Variants in NEB observed in about 807,000 individuals in gnomAD.
The protein encoded by NEB is nemaline myopathy type 2.
Under a neutral mutation model 952.2 loss-of-function variants are expected in NEB, and 512 were observed. The ratio of observed to expected loss-of-function variants is 0.54; its 90% confidence interval spans 0.50 to 0.58. The LOEUF is 0.58. Among genes scored for constraint, NEB ranks in the 20% least tolerant of loss-of-function variants. The pLI is 0.00. For synonymous variants in NEB, 2,900 were observed against 3,149.8 expected (o/e 0.92, Z 2.66); for missense variants, 8,428 against 9,231.1 (o/e 0.91, Z 3.56).
chr2:151,636,168 G>C, intron 64 of NEB, 59 bp downstream of exon 64: 1 of 1,386,176 alleles, frequency 7.2e-7, no homozygotes, highest in Non-Finnish European at 1.0e-6. Flanking sequence ...CTAAGATTTA[G>C]TTCAGTGAAA....
intron 63 of NEB, among the ~76,000 whole-genome samples, chr2:151,637,698 A>AG (rs1449655005): frequency 6.6e-6 from 1 of 152,144 alleles, no homozygotes; most frequent in Non-Finnish European, 1.5e-5. Flanking sequence ...AGCTAGACAC[A>AG]GGGGGAGCCC....
At chr2:151,698,472 G>A (rs1320591257) in intron 13 of NEB, among the ~76,000 whole-genome samples, 1 of 152,084 alleles carries the variant, frequency 6.6e-6, no homozygotes, top group Non-Finnish European at 1.5e-5. Context: ...TCTGGAATGA[G>A]ATGGTATTAT....
At chr2:151,506,621 C>A (rs1227459643) in intron 163 of NEB, among the ~76,000 whole-genome samples, 1 of 152,112 alleles carries the variant, frequency 6.6e-6, no homozygotes, top group Non-Finnish European at 1.5e-5. Flanking sequence ...AAAGAAATCA[C>A]AATGTCAAAA....
At chr2:151,652,094 T>C (rs2099036734) in intron 52 of NEB, among the ~76,000 whole-genome samples, 1 of 152,190 alleles carries the variant, frequency 6.6e-6, no homozygotes, top group African/African-American at 2.4e-5. Flanking sequence ...TAGGCTGCTT[T>C]GTGGTGTTGT....
chr2:151,725,074 A>G, intron 6 of NEB, 113 bp from the exon 7 acceptor site: 1 of 766,636 alleles, frequency 1.3e-6, no homozygotes, highest in Non-Finnish European at 2.1e-6. Context: ...CTGCATCACA[A>G]AGCATAGTTT....
intron 168 of NEB, among the ~76,000 whole-genome samples, chr2:151,500,939 C>A (rs2064001046): frequency 6.6e-6 from 1 of 152,096 alleles, no homozygotes; most frequent in African/African-American, 2.4e-5. Context: ...GAGCAATTTT[C>A]TTTCTTGGTG....
intron 77 of NEB, 62 bp downstream of exon 77, chr2:151,614,214 A>G (rs1342768175): frequency 1.1e-5 from 17 of 1,565,566 alleles, no homozygotes; most frequent in East Asian, 2.3e-5. Context: ...GAAAGATTCC[A>G]TGGCACAAAA....
At chr2:151,669,200 T>C in intron 38 of NEB, 69 bp from the exon 39 acceptor site, 1 of 1,117,246 alleles carries the variant, frequency 9.0e-7, no homozygotes, top group Non-Finnish European at 1.3e-6. Flanking sequence ...AAGCAGAGAC[T>C]CCTTTAAAAC....
chr2:151,486,182 A>C lies in NEB; in HGVS notation c.25405-249T>G, dbSNP rs371724109. The C allele has an allele frequency of 1.9e-4, 86 of 452,362 alleles. 1 individual carries two copies. The East Asian group carries it at 2.4e-3, about 12-fold the overall frequency. 28.0% of individuals were successfully genotyped at this position (452,362 alleles called of 1,614,324 possible). ...ACTCAATGCCTTCCCCCACCAAAAG[A>C]GGCAAAGGATATGAATAGACATTTC... On this transcript the variant is annotated intron_variant, in intron 181 of 181. Transcript: ENST00000397345.
At chr2:151,498,523 G>C (rs2061912448) in intron 169 of NEB, among the ~76,000 whole-genome samples, 171 bp from the exon 170 acceptor site, 1 of 152,068 alleles carries the variant, frequency 6.6e-6, no homozygotes, top group South Asian at 2.1e-4. Flanking sequence ...ATCTTCAAAA[G>C]CAAAGGAATG....
At chr2:151,557,704 C>T (rs2095756832) in intron 124 of NEB, among the ~76,000 whole-genome samples, 1 of 152,176 alleles carries the variant, frequency 6.6e-6, no homozygotes, top group Non-Finnish European at 1.5e-5. Context: ...GGATGCAAGC[C>T]TGGTTCAACA....
chr2:151,488,167 T>C (rs1211074896), intron 181 of NEB, among the ~76,000 whole-genome samples: 1 of 152,098 alleles, frequency 6.6e-6, no homozygotes, highest in Non-Finnish European at 1.5e-5. Flanking sequence ...ATCAGTGAAT[T>C]TTAGAGTTCT....
At chr2:151,638,122 T>G (rs2098797467) in intron 63 of NEB, among the ~76,000 whole-genome samples, 1 of 152,132 alleles carries the variant, frequency 6.6e-6, no homozygotes, top group Non-Finnish European at 1.5e-5. Context: ...TGAACAGAGA[T>G]AAATTACCAA....
rs577635321 is a variant in NEB, at chr2:151,630,711, C to T, written c.9723+4G>A. On this transcript the variant is annotated splice_donor_region_variant and intron_variant, in intron 67 of 181. Transcript: ENST00000397345. Reference sequence around the variant, plus strand: ...AATATAGCACCACAGATTTTTGCTCCTACCTCACTGTAGTTGATTTTGTTC... The same window carrying T: ...AATATAGCACCACAGATTTTTGCTCTTACCTCACTGTAGTTGATTTTGTTC... The T allele has an allele frequency of 3.1e-6, 5 of 1,597,906 alleles. No homozygotes were observed. Among genetic ancestry groups the T allele is most frequent in the Admixed American group, 3.4e-5 (2 of 58,022 alleles).
intron 7 of NEB, among the ~76,000 whole-genome samples, chr2:151,724,607 TC>T (rs1216651793): frequency 6.6e-6 from 1 of 152,236 alleles, no homozygotes; most frequent in Non-Finnish European, 1.5e-5. Context: ...CACTGGGACT[TC>T]ATGCAGCAAC....
rs542982049 is a variant in NEB, at chr2:151,637,776, G to A, written c.8995-1442C>T. On this transcript the variant is annotated intron_variant, in intron 63 of 181. Transcript: ENST00000397345. ...GTAACAGGACCTATATTATAGGTTT[G>A]GCTAATAATTCAGTCCTTTCTGACA... 2.0e-5 allele frequency among the ~76,000 whole-genome samples: 3 copies of A among 152,290 alleles called. No homozygotes were observed. The South Asian group carries it at 6.2e-4, about 32-fold the overall frequency.
Position 151,485,487 on chromosome 2 carries a change from C to A in NEB, c.*273G>T. On this transcript the variant is annotated 3_prime_UTR_variant, in exon 182 of 182. Coordinates refer to ENST00000397345, the MANE Select transcript of NEB (RefSeq NM_001164508.2). The stretch of plus-strand genomic sequence containing the variant: ...TTTCCTTTAATGTGTTTGGCATATT[C>A]AAAATCCCTGTTTTAGAAAAGAAAT... 1 of 294,466 alleles carries A rather than the reference C, an allele frequency of 3.4e-6. No homozygotes were observed. Among genetic ancestry groups the A allele is most frequent in the Non-Finnish European group, 6.2e-6 (1 of 160,628 alleles). The allele number at this position is 294,466 out of a possible 1,614,324, so 18.2% of individuals were successfully genotyped here. A position where few individuals can be genotyped will look rare whatever the true frequency, so the allele number is the denominator to read the frequency against.
intron 153 of NEB, among the ~76,000 whole-genome samples, chr2:151,522,306 T>G (rs954656755): frequency 2.1e-4 from 32 of 152,220 alleles, no homozygotes; most frequent in Admixed American, 2.1e-3. Context: ...TGTTGATTCA[T>G]AGAAGGCCTG....
rs779246221 is a variant in NEB at position 151,614,228 on chromosome 2, T to A, written c.11601+48A>T. 3 of 1,586,282 alleles carry A rather than the reference T, an allele frequency of 1.9e-6. No individual in the cohort carries two copies. The South Asian group carries it at 3.4e-5, about 18-fold the overall frequency. ...GGAAAGATTCCATGGCACAAAAGAG[T>A]TAGAATGCTTTTCTAAACCATTACT... is the stretch of plus-strand genomic sequence containing the variant. On this transcript the variant is annotated intron_variant, in intron 77 of 181. Transcript: ENST00000397345.
Sources: gnomAD v4.1 joint callset for allele counts (sites outside exome capture counted in the v4.1 genomes callset) on GRCh38, gnomAD v4.1.1 for gene constraint, MANE v1.5 for transcripts, NCBI Gene and HGNC (gene_info 2026-07-23, HGNC 2026-07-21) for gene names.